Variants in RADX observed in about 807,000 individuals in gnomAD.
RADX encodes the protein RPA-related protein RADX.
RADX carries 36 observed loss-of-function variants against 61.6 expected under a neutral mutation model. That is an observed-to-expected ratio of 0.58 (90% CI 0.45 to 0.77). The LOEUF is 0.77. RADX is among the 30% of genes least tolerant of loss of function. The pLI is 0.00. For synonymous variants in RADX, 272 were observed against 237.9 expected, an observed-to-expected ratio of 1.14 and a Z score of -1.32; for missense variants, 497 against 651.1, an observed-to-expected ratio of 0.76 and a Z score of 2.58.
At chrX:106,622,037 G>A (rs1926960761) in intron 1 of RADX, among the ~76,000 whole-genome samples, 1 of 107,248 alleles carries the variant, frequency 9.3e-6, no homozygotes, top group Non-Finnish European at 1.9e-5. Context: ...CCTGGGCTCA[G>A]GTGATCCTCC....
At chrX:106,660,823 C>T (rs1928071663) in intron 11 of RADX, among the ~76,000 whole-genome samples, 1 of 111,815 alleles carries the variant, frequency 8.9e-6, no homozygotes, top group Non-Finnish European at 1.9e-5. Flanking sequence ...GTGTATTAGT[C>T]TGTTCTCACA....
At chrX:106,624,556 G>A (rs895718949) in intron 2 of RADX, among the ~76,000 whole-genome samples, 3 of 111,587 alleles carry the variant, frequency 2.7e-5, no homozygotes, top group Non-Finnish European at 5.7e-5. Context: ...CAGGATTGAT[G>A]TGAGGATTGA....
chrX:106,626,404 T>C (rs5916764), intron 3 of RADX, among the ~76,000 whole-genome samples: 24,429 of 111,293 alleles, frequency 0.22, 2,186 homozygotes, highest in Middle Eastern at 0.34. Context: ...TCTTGCTAGA[T>C]GAAGAAGTTA....
chrX:106,677,499 ATTT>A (rs751692847), intron 13 of RADX, among the ~76,000 whole-genome samples: 1 of 91,679 alleles, frequency 1.1e-5, no homozygotes, highest in Non-Finnish European at 2.2e-5. Flanking sequence ...CACCTGATCC[ATTT>A]TTTTTTTTTT....
At chrX:106,646,403 T>C (rs1413800525) in intron 10 of RADX, among the ~76,000 whole-genome samples, 1 of 111,181 alleles carries the variant, frequency 9.0e-6, no homozygotes, top group African/African-American at 3.3e-5. Flanking sequence ...GACTTCTGAA[T>C]ATGACCTTAT....
In RADX at chrX:106,636,543, T is replaced by A; in HGVS notation, c.1304T>A (p.Met435Lys). 2 of 1,148,567 alleles carry A rather than the reference T, an allele frequency of 1.7e-6. No individual in the cohort carries two copies. Among genetic ancestry groups the A allele is most frequent in the Non-Finnish European group, 2.4e-6 (2 of 843,790 alleles). The allele number at this position is 1,148,567 out of a possible 1,213,427, so 94.7% of individuals were successfully genotyped here. Residue 435 changes from methionine (M) to lysine (K), a missense_variant and splice_region_variant, in exon 7 of 14, where the codon ATG (methionine) becomes AAG (lysine). Physicochemically the swap from Met to Lys is moderately conservative, Grantham distance 95. Around this residue, in one of 3 missense-constraint regions of RADX, gnomAD observed 196 missense variants for 315.0 expected, o/e 0.62. Transcript: ENST00000372548. ...QPEIFENIYP[M>K]AYFVCTQLKV... The stretch of plus-strand genomic sequence containing the variant: ...TTTCATAAGTGTTTTTGTTCTCTAG[T>A]GGCATATTTTGTGTGTACACAGTTG...
intron 1 of RADX, among the ~76,000 whole-genome samples, chrX:106,618,809 A>T (rs1319869034): frequency 1.8e-5 from 2 of 110,739 alleles, no homozygotes; most frequent in African/African-American, 6.6e-5. Flanking sequence ...CTCAAAAAAT[A>T]AAAAAAGAGA....
At chrX:106,616,511 T>G (rs2147609083) in intron 1 of RADX, among the ~76,000 whole-genome samples, 1 of 112,353 alleles carries the variant, frequency 8.9e-6, no homozygotes, top group East Asian at 2.8e-4. Context: ...TATATTTCCT[T>G]GTTTATTTCT....
intron 1 of RADX, among the ~76,000 whole-genome samples, chrX:106,621,467 G>A (rs1040221014): frequency 7.1e-5 from 8 of 111,895 alleles, no homozygotes; most frequent in Non-Finnish European, 1.1e-4. Flanking sequence ...TGAAACTGTG[G>A]GCTGTGAGAG....
intron 3 of RADX, among the ~76,000 whole-genome samples, chrX:106,629,289 C>T (rs906312016): frequency 9.0e-6 from 1 of 111,501 alleles, no homozygotes; most frequent in Non-Finnish European, 1.9e-5. Flanking sequence ...GAAAGTACTT[C>T]GGAATATGCA....
chrX:106,615,363 A>G (rs1926777383), intron 1 of RADX, among the ~76,000 whole-genome samples: 1 of 111,033 alleles, frequency 9.0e-6, no homozygotes, highest in Admixed American at 9.5e-5. Context: ...TGGGCTGTAT[A>G]ATTTGCTGAC....
chrX:106,615,235 A>G (rs188123930), intron 1 of RADX, among the ~76,000 whole-genome samples: 14 of 112,084 alleles, frequency 1.2e-4, no homozygotes, highest in South Asian at 7.5e-4. Context: ...TGTCACAACC[A>G]TTCACTTTTG....
At chrX:106,632,590 A>G in intron 3 of RADX, 35 bp from the exon 4 acceptor site, 1 of 948,176 alleles carries the variant, frequency 1.1e-6, no homozygotes, top group Non-Finnish European at 1.5e-6. Flanking sequence ...GGTGTGTATT[A>G]AATAGCATAT....
intron 10 of RADX, among the ~76,000 whole-genome samples, chrX:106,643,672 A>G (rs1927584822): frequency 9.0e-6 from 1 of 111,333 alleles, no homozygotes; most frequent in Admixed American, 9.6e-5. Context: ...ATCAATTGAA[A>G]TGATCGTATG....
At chrX:106,643,407 A>G (rs1927574981) in intron 10 of RADX, among the ~76,000 whole-genome samples, 1 of 110,172 alleles carries the variant, frequency 9.1e-6, no homozygotes, top group African/African-American at 3.4e-5. Flanking sequence ...TTTTGCCCAG[A>G]CGAATGTCCT....
chrX:106,678,069 T>C, intron 13 of RADX, 59 bp from the exon 14 acceptor site: 1 of 821,208 alleles, frequency 1.2e-6, no homozygotes. Context: ...TATGTGATAC[T>C]AAAGTCAAGT....
Position 106,612,334 on chromosome X carries a change from A to G in RADX, c.254A>G (p.Asp85Gly). Residue 85 changes from aspartate to glycine, a missense_variant, in exon 1 of 14, where the codon GAC becomes GGC. This residue lies in a region of RADX where 196 missense variants were observed against 315.0 expected (regional missense o/e 0.62). Coordinates refer to ENST00000372548, the MANE Select transcript of RADX (RefSeq NM_018015.6). ...TACCTGTTAGAGGATGAGCCACGCG[A>G]CACGGTGCCCAAGCCTCCCCTTTAT... The part of the protein sequence containing the change: ...QRYLLEDEPR[D>G]TVPKPPLYCY... The G allele has an allele frequency of 1.7e-6, 2 of 1,211,851 alleles. No homozygotes were observed. Among genetic ancestry groups the G allele is most frequent in the Non-Finnish European group, 2.2e-6 (2 of 895,578 alleles).
Position 106,639,628 on chromosome X carries a change from A to G in RADX, c.1675A>G (p.Ile559Val). The part of the protein sequence containing the change: ...RIAIQGIITA[I>V]KYIPHSSATE... ...TGCAATTCAGGGGATAATTACTGCTATAAAGTATATCCCCCATAGCAGTGC... is the reference window on the plus strand; with the variant it reads ...TGCAATTCAGGGGATAATTACTGCTGTAAAGTATATCCCCCATAGCAGTGC... Residue 559 changes from isoleucine (I) to valine (V), a missense_variant, in exon 9 of 14, where the codon ATA becomes GTA. Coordinates refer to ENST00000372548, the MANE Select transcript of RADX (RefSeq NM_018015.6). The G allele has an allele frequency of 8.3e-7, 1 of 1,204,469 alleles. No individual in the cohort carries two copies. Among genetic ancestry groups the G allele is most frequent in the Non-Finnish European group, 1.1e-6 (1 of 891,090 alleles).
intron 11 of RADX, among the ~76,000 whole-genome samples, chrX:106,660,214 CGT>C (rs1183838283): frequency 1.2e-4 from 13 of 111,594 alleles, no homozygotes; most frequent in African/African-American, 1.6e-4. Flanking sequence ...TTGATCTTTT[CGT>C]GTGTGACTAA....
Sources: gnomAD v4.1 joint callset for allele counts (sites outside exome capture counted in the v4.1 genomes callset) on GRCh38, gnomAD v4.1.1 for gene constraint, gnomAD v4.1.1 regional missense constraint, MANE v1.5 for transcripts, NCBI Gene and HGNC (gene_info 2026-07-23, HGNC 2026-07-21) for gene names.